The following TMEM68 variants were observed in gnomAD, a reference collection of about 807,000 sequenced individuals.
TMEM68 encodes the protein transmembrane protein 68, also known as DGAT1/2-independent enzyme synthesizing storage lipids.
In TMEM68, 25 loss-of-function variants were observed where a neutral mutation model predicts 36.9. The observed-to-expected ratio is 0.68, with a 90% CI of 0.49 to 0.95. TMEM68 has a LOEUF of 0.95. Ranked by LOEUF, TMEM68 falls within the 40% of genes least tolerant of loss-of-function variation. The pLI is 0.00. For synonymous variants in TMEM68, 131 were observed against 124.4 expected (o/e 1.05, Z -0.35); for missense variants, 333 against 392.0 (o/e 0.85, Z 1.27).
intron 3 of TMEM68, among the ~76,000 whole-genome samples, chr8:55,757,614 T>C (rs1321067943): frequency 6.6e-6 from 1 of 151,880 alleles, no homozygotes; most frequent in Non-Finnish European, 1.5e-5. Flanking sequence ...AAGAAAAGGG[T>C]ATATGCAAAA....
At chr8:55,758,892 G>A (rs1276805204) in intron 3 of TMEM68, among the ~76,000 whole-genome samples, 1 of 152,158 alleles carries the variant, frequency 6.6e-6, no homozygotes, top group East Asian at 1.9e-4. Context: ...TCAGCAGAAA[G>A]ATGGAAACTA....
intron 3 of TMEM68, among the ~76,000 whole-genome samples, chr8:55,759,508 T>C (rs1810718409): frequency 6.6e-6 from 1 of 151,770 alleles, no homozygotes; most frequent in South Asian, 2.1e-4. Flanking sequence ...GAGGCGGAGG[T>C]TGCAGTGAAC....
At chr8:55,748,046 C>T (rs1810334366) in intron 5 of TMEM68, 1 of 152,170 alleles carries the variant, frequency 6.6e-6, no homozygotes, top group Non-Finnish European at 1.5e-5. Context: ...AGAAAGCTTA[C>T]CCTAGCAGGC....
chr8:55,742,972 T>C (rs1257796836), intron 7 of TMEM68, among the ~76,000 whole-genome samples: 1 of 152,162 alleles, frequency 6.6e-6, no homozygotes, highest in East Asian at 1.9e-4. Flanking sequence ...AATTTACTTG[T>C]TCTCTTACCT....
chr8:55,762,666 A>G lies in TMEM68; in HGVS notation c.294T>C (p.Thr98=). 1 of 1,614,226 alleles carries G rather than the reference A, an allele frequency of 6.2e-7. No individual in the cohort carries two copies. Among genetic ancestry groups the G allele is most frequent in the Non-Finnish European group, 8.5e-7 (1 of 1,180,044 alleles). Residue 98 remains threonine (T), a synonymous_variant, in exon 3 of 8, where the codon ACT becomes ACC. Coordinates refer to ENST00000434581, the MANE Select transcript of TMEM68 (RefSeq NM_001286657.2). ...AAACGGCTGCATGTCCATCCCACAG[A>G]GTTGCCACTGTTTTCCTTGCACCAT... ...LWDGARKTVA[T]LWDGHAAVWH... is the part of the protein sequence containing the mutation.
At chr8:55,754,873 G>GTAA (rs1476101225) in intron 4 of TMEM68, among the ~76,000 whole-genome samples, 4 of 124,078 alleles carry the variant, frequency 3.2e-5, no homozygotes, top group South Asian at 2.3e-4. Flanking sequence ...AAAATATATA[G>GTAA]TATATATTTA....
chr8:55,763,076 T>G (rs1430815715), intron 2 of TMEM68, 48 bp from the exon 3 acceptor site: 1 of 1,142,522 alleles, frequency 8.8e-7, no homozygotes, highest in African/African-American at 1.6e-5. Context: ...AGCTATAAAG[T>G]TAAATGTTTT....
At chr8:55,741,127 G>A (rs962413250) in intron 7 of TMEM68, among the ~76,000 whole-genome samples, 1 of 152,112 alleles carries the variant, frequency 6.6e-6, no homozygotes, top group Non-Finnish European at 1.5e-5. Flanking sequence ...AGCTACTTGG[G>A]AGGCTGAGGC....
chr8:55,756,283 A>T lies in TMEM68; in HGVS notation c.454T>A (p.Cys152Ser). The change falls in exon 4 of 8, where the codon TGC becomes AGC. Residue 152 changes from cysteine to serine, a missense_variant. By Grantham distance (112) the Cys-to-Ser change is moderately radical. Coordinates refer to ENST00000434581, the MANE Select transcript of TMEM68 (RefSeq NM_001286657.2). ...ACAAAGTGATCAGCTACTACTCGGC[A>T]AGTTCTGCCTTTGTGTATAAATATT... is the stretch of plus-strand genomic sequence containing the variant. The part of the protein sequence containing the change: ...AKIFIHKGRT[C>S]RVVADHFVFK... The T allele has an allele frequency of 6.2e-7, 1 of 1,604,814 alleles. No individual in the cohort carries two copies. The highest frequency in any genetic ancestry group is 1.1e-5 in the South Asian group (1 of 87,924).
chr8:55,748,550 G>A (rs1810346068), intron 5 of TMEM68, among the ~76,000 whole-genome samples: 1 of 145,694 alleles, frequency 6.9e-6, no homozygotes, highest in South Asian at 2.4e-4. Flanking sequence ...GTGTGCAAGG[G>A]AGAGAGGGAG....
chr8:55,758,289 C>T (rs1441140538), intron 3 of TMEM68, among the ~76,000 whole-genome samples: 1 of 152,150 alleles, frequency 6.6e-6, no homozygotes, highest in Non-Finnish European at 1.5e-5. Flanking sequence ...CACCTCCAAC[C>T]GACCACCAAT....
intron 4 of TMEM68, among the ~76,000 whole-genome samples, chr8:55,754,913 TTATATATTTA>T (rs977922298): frequency 7.3e-5 from 7 of 95,396 alleles, no homozygotes; most frequent in South Asian, 3.1e-4. Flanking sequence ...ATATTATATA[TTATATATTTA>T]TATATATTTA....
At chr8:55,765,339 G>A (rs1334894319) in intron 1 of TMEM68, among the ~76,000 whole-genome samples, 1 of 152,100 alleles carries the variant, frequency 6.6e-6, no homozygotes, top group Non-Finnish European at 1.5e-5. Context: ...TCAGCCCCTG[G>A]TTTCTTAAGC....
intron 1 of TMEM68, among the ~76,000 whole-genome samples, chr8:55,766,373 CTTTTT>C (rs768070569): frequency 2.7e-5 from 3 of 113,064 alleles, no homozygotes; most frequent in African/African-American, 6.5e-5. Flanking sequence ...TCTATGCACG[CTTTTT>C]TTTTTTTTTT....
At chr8:55,752,837 A>G (rs1585716074) in intron 4 of TMEM68, among the ~76,000 whole-genome samples, 2 of 147,978 alleles carry the variant, frequency 1.4e-5, no homozygotes, top group Non-Finnish European at 3.0e-5. Flanking sequence ...CGATCCTCTC[A>G]CTCAGCCTCC....
chr8:55,740,392 T>C (rs1472906296), intron 7 of TMEM68, among the ~76,000 whole-genome samples, 174 bp from the exon 8 acceptor site: 26 of 152,188 alleles, frequency 1.7e-4, no homozygotes, highest in Non-Finnish European at 1.5e-5. Context: ...CTCGAACTCC[T>C]GGGGCTCAAG....
At chr8:55,761,152 TG>T (rs1270242073) in intron 3 of TMEM68, 2 of 152,086 alleles carry the variant, frequency 1.3e-5, no homozygotes, top group African/African-American at 4.8e-5. Flanking sequence ...GCTATTTAAC[TG>T]TGTCACTCTT....
intron 1 of TMEM68, among the ~76,000 whole-genome samples, chr8:55,765,607 T>C (rs1810940740): frequency 6.6e-6 from 1 of 152,210 alleles, no homozygotes; most frequent in African/African-American, 2.4e-5. Flanking sequence ...AACTCGATCA[T>C]ACTGACTCAT....
At chr8:55,748,329 G>A (rs1823504) in intron 5 of TMEM68, among the ~76,000 whole-genome samples, 105,422 of 151,956 alleles carry the variant, frequency 0.69, 37,145 homozygotes, top group East Asian at 0.86. Context: ...CACCACACCC[G>A]ACTAACTTTT....
Sources: allele counts gnomAD v4.1 joint callset (sites outside exome capture counted in the v4.1 genomes callset), GRCh38; gene constraint gnomAD v4.1.1; transcripts MANE v1.5; gene names NCBI Gene and HGNC (gene_info 2026-07-23, HGNC 2026-07-21).